PCNX4: variants seen among roughly 807,000 people sequenced by gnomAD.
PCNX4 encodes the protein pecanex-like protein 4.
In PCNX4, 103 loss-of-function variants were observed where a neutral mutation model predicts 107.2. The observed-to-expected ratio is 0.96, with a 90% CI of 0.82 to 1.13. PCNX4 has a LOEUF of 1.13. Among genes scored for constraint, PCNX4 ranks in the 50% most tolerant of loss-of-function variants. The pLI is 0.00. For missense variants in PCNX4, 1,528 were observed against 1,379.4 expected (o/e 1.11, Z -1.71); for synonymous variants, 541 against 481.7 (o/e 1.12, Z -1.61).
intron 7 of PCNX4, among the ~76,000 whole-genome samples, chr14:60,119,890 T>A (rs1005777629): frequency 6.6e-6 from 1 of 152,212 alleles, no homozygotes; most frequent in African/African-American, 2.4e-5. Context: ...ACAAGAACTT[T>A]CAGACCTTTC....
intron 8 of PCNX4, among the ~76,000 whole-genome samples, chr14:60,122,830 G>T (rs1380250757): frequency 6.6e-6 from 1 of 152,062 alleles, no homozygotes; most frequent in Non-Finnish European, 1.5e-5. Flanking sequence ...AATAGTAAGT[G>T]AATTTTTTGT....
chr14:60,112,401 A>C (rs549175326), intron 2 of PCNX4, among the ~76,000 whole-genome samples: 1 of 152,308 alleles, frequency 6.6e-6, no homozygotes, highest in African/African-American at 2.4e-5. Context: ...ACATTATCAT[A>C]AGTATTAGAA....
At chr14:60,119,059 G>A (rs372765020) in intron 7 of PCNX4, among the ~76,000 whole-genome samples, 5 of 152,116 alleles carry the variant, frequency 3.3e-5, no homozygotes, top group Non-Finnish European at 4.4e-5. Context: ...AGTAGCATAC[G>A]TTCATAAAGT....
intron 2 of PCNX4, among the ~76,000 whole-genome samples, chr14:60,113,271 C>T (rs1396027997): frequency 6.6e-6 from 1 of 152,138 alleles, no homozygotes; most frequent in Non-Finnish European, 1.5e-5. Context: ...CATAAAATGG[C>T]GTTACTATAT....
chr14:60,121,794 A>T (rs954740667), intron 8 of PCNX4, among the ~76,000 whole-genome samples: 3 of 152,118 alleles, frequency 2.0e-5, no homozygotes, highest in Non-Finnish European at 4.4e-5. Flanking sequence ...TACTCCACCC[A>T]GCCTGCTCTT....
At chr14:60,117,144 A>AGT (rs1284092400) in intron 6 of PCNX4, among the ~76,000 whole-genome samples, 2 of 152,218 alleles carry the variant, frequency 1.3e-5, no homozygotes, top group South Asian at 2.1e-4. Context: ...GTAACCTAAG[A>AGT]GTACAGTGTT....
chr14:60,096,218 C>G (rs1895421928), intron 1 of PCNX4, among the ~76,000 whole-genome samples: 1 of 152,156 alleles, frequency 6.6e-6, no homozygotes, highest in Admixed American at 6.5e-5. Flanking sequence ...CACAACATTC[C>G]ATTTTTATGA....
rs1225465515 is a variant in PCNX4, at chr14:60,124,718, A to G, written c.2547A>G (p.Thr849=). 5 of 1,613,166 alleles carry G rather than the reference A, an allele frequency of 3.1e-6. No homozygotes were observed. Among genetic ancestry groups the G allele is most frequent in the Non-Finnish European group, 3.4e-6 (4 of 1,179,772 alleles). Residue 849 remains threonine (T), a synonymous_variant, in exon 9 of 11, where the codon ACA becomes ACG. Transcript: ENST00000406854. The part of the protein sequence containing the change: ...EKHQLKDLPG[T]NLFIPGSVES... ...ATCAGTTGAAAGATTTGCCAGGTAC[A>G]AATTTGTTTATTCCAGGATCAGTAG...
chr14:60,115,336 T>C lies in PCNX4; in HGVS notation c.1232T>C (p.Val411Ala), dbSNP rs375951788. 3.7e-6 allele frequency: 6 copies of C among 1,606,246 alleles called. No individual in the cohort carries two copies. In the African/African-American group the frequency reaches 6.7e-5, roughly 18 times the overall value. Reference sequence around the variant, plus strand: ...TGGATACTTAGAGAAATTCAAAGCGTATATATCATTGGAATTTTCCGAAAT... The same window carrying C: ...TGGATACTTAGAGAAATTCAAAGCGCATATATCATTGGAATTTTCCGAAAT... ...ILWILREIQS[V>A]YIIGIFRNPF... The change falls in exon 4 of 11, where the codon GTA (valine) becomes GCA (alanine). Residue 411 changes from valine to alanine, a missense_variant. By Grantham distance (64) the Val-to-Ala change is moderately conservative. Coordinates refer to ENST00000406854, the MANE Select transcript of PCNX4 (RefSeq NM_001330177.2).
rs1359910843 is a variant in PCNX4, at chr14:60,142,160, CTT to C, written c.*7940_*7941del. 15 of 152,158 alleles carry C rather than the reference CTT, an allele frequency of 9.9e-5. No homozygotes were observed. Among genetic ancestry groups the C allele is most frequent in the Admixed American group, 9.2e-4 (14 of 15,280 alleles). The allele number at this position is 152,158 out of a possible 1,614,324, so 9.4% of individuals were successfully genotyped here. ...TGGGGCTGATATATGTGTTTACTCT[CTT>C]GATTGTGGTTATGGTTCACAAGTGT... On this transcript the variant is annotated 3_prime_UTR_variant, in exon 11 of 11. Coordinates refer to ENST00000406854, the MANE Select transcript of PCNX4 (RefSeq NM_001330177.2). This position sits in a 1 kb window ranked among gnomAD's most constrained non-coding sequence, Gnocchi z 4.7.
At chr14:60,123,086 G>A (rs1895984870) in intron 8 of PCNX4, among the ~76,000 whole-genome samples, 1 of 152,084 alleles carries the variant, frequency 6.6e-6, no homozygotes, top group African/African-American at 2.4e-5. Flanking sequence ...CTCTGCTCTA[G>A]TCTAACCCAT....
rs917896223 is a variant in PCNX4 at position 60,144,750 on chromosome 14, A to G, written c.*10529A>G. The G allele has an allele frequency of 2.8e-5, 14 of 501,290 alleles. No homozygotes were observed. The highest frequency in any genetic ancestry group is 4.8e-5 in the Non-Finnish European group (14 of 288,860). The allele number at this position is 501,290 out of a possible 1,614,324, so 31.1% of individuals were successfully genotyped here. On this transcript the variant is annotated 3_prime_UTR_variant, in exon 11 of 11. Coordinates refer to ENST00000406854, the MANE Select transcript of PCNX4 (RefSeq NM_001330177.2). The stretch of plus-strand genomic sequence containing the variant: ...CTAAAGTATTTTAAAAGGTTATTTT[A>G]TCCAAGAATATAGTATGAGTTAATA...
Position 60,115,429 on chromosome 14 carries a change from T to C in PCNX4, c.1325T>C (p.Ile442Thr). 1 of 1,546,326 alleles carries C rather than the reference T, an allele frequency of 6.5e-7. No individual in the cohort carries two copies. Among genetic ancestry groups the C allele is most frequent in the Non-Finnish European group, 8.7e-7 (1 of 1,149,944 alleles). The change falls in exon 4 of 11, where the codon ATT becomes ACT. Residue 442 changes from isoleucine to threonine, a missense_variant. Coordinates refer to ENST00000406854, the MANE Select transcript of PCNX4 (RefSeq NM_001330177.2). ...GAGAAGCAAACTAGGCTCATGAAGA[T>C]TGGTATTGTCAGACGGATTTTGCTA... ...FFEKQTRLMK[I>T]GIVRRILLTL...
In PCNX4 at chr14:60,114,990, A is replaced by G; in HGVS notation, c.886A>G (p.Ile296Val). The change falls in exon 4 of 11, where the codon ATC becomes GTC. Residue 296 changes from isoleucine to valine, a missense_variant. Coordinates refer to ENST00000406854, the MANE Select transcript of PCNX4 (RefSeq NM_001330177.2). ...STHLRLLVMF[I>V]MSAGTAIASY... Reference sequence around the variant, plus strand: ...TCTGTACAGGTTATTAGTAATGTTCATCATGTCTGCTGGAACAGCTATAGC... The same window carrying G: ...TCTGTACAGGTTATTAGTAATGTTCGTCATGTCTGCTGGAACAGCTATAGC... The G allele has an allele frequency of 6.2e-7, 1 of 1,601,506 alleles. No individual in the cohort carries two copies. Among genetic ancestry groups the G allele is most frequent in the Non-Finnish European group, 8.5e-7 (1 of 1,172,928 alleles).
rs1315675262 is a variant in PCNX4 at position 60,118,488 on chromosome 14, A to T, written c.1738A>T (p.Ile580Leu). ...CTTTTCTCCATTCGTGTTGGTCATC[A>T]TAGTTTTTTCTACACTACTCTCTTC... ...IVFSPFVLVI[I>L]VFSTLLSSPL... The change falls in exon 7 of 11, where the codon ATA becomes TTA. Residue 580 changes from isoleucine to leucine, a missense_variant. Physicochemically the swap from Ile to Leu is conservative, Grantham distance 5. Coordinates refer to ENST00000406854, the MANE Select transcript of PCNX4 (RefSeq NM_001330177.2). 9 of 1,613,658 alleles carry T rather than the reference A, an allele frequency of 5.6e-6. No homozygotes were observed. Among genetic ancestry groups the T allele is most frequent in the Non-Finnish European group, 7.6e-6 (9 of 1,179,816 alleles).
At chr14:60,128,960 C>G (rs981860421) in intron 10 of PCNX4, among the ~76,000 whole-genome samples, 3 of 152,098 alleles carry the variant, frequency 2.0e-5, no homozygotes, top group African/African-American at 7.2e-5. Context: ...CACCTGTAAT[C>G]CCAGCACTTT....
chr14:60,115,357 G>A lies in PCNX4; in HGVS notation c.1253G>A (p.Arg418Gln), dbSNP rs140058457. 2.8e-4 allele frequency: 452 copies of A among 1,604,368 alleles called. No homozygotes were observed. Among genetic ancestry groups the A allele is most frequent in the Middle Eastern group, 1.2e-3 (7 of 6,018 alleles). ...IQSVYIIGIFRNPFYPKDVQT... is the reference protein window; with the variant it reads ...IQSVYIIGIFQNPFYPKDVQT... ...AGCGTATATATCATTGGAATTTTCC[G>A]AAATCCCTTTTATCCGAAGGATGTG... Residue 418 changes from arginine (R) to glutamine (Q), a missense_variant, in exon 4 of 11, where the codon CGA (arginine) becomes CAA (glutamine). Coordinates refer to ENST00000406854, the MANE Select transcript of PCNX4 (RefSeq NM_001330177.2).
chr14:60,124,892 T>C lies in PCNX4; in HGVS notation c.2721T>C (p.Ser907=). The C allele has an allele frequency of 1.2e-6, 2 of 1,613,840 alleles. No individual in the cohort carries two copies. The highest frequency in any genetic ancestry group is 2.2e-5 in the South Asian group (2 of 91,088). The change falls in exon 9 of 11, where the codon TCT becomes TCC. Residue 907 remains serine (S), a synonymous_variant. Coordinates refer to ENST00000406854, the MANE Select transcript of PCNX4 (RefSeq NM_001330177.2). ...IPLMEFSCSH[S]HLVCLPAEWR... Reference sequence around the variant, plus strand: ...TCATGGAGTTCAGTTGTTCACATTCTCACTTAGTATGCTTACCCGCAGAGT... The same window carrying C: ...TCATGGAGTTCAGTTGTTCACATTCCCACTTAGTATGCTTACCCGCAGAGT...
At chr14:60,111,490 A>C (rs1895740078) in intron 2 of PCNX4, among the ~76,000 whole-genome samples, 1 of 152,218 alleles carries the variant, frequency 6.6e-6, no homozygotes, top group Admixed American at 6.5e-5. Flanking sequence ...AATTGAGTTT[A>C]AATGTGTGTA....
Sources: allele counts gnomAD v4.1 joint callset (sites outside exome capture counted in the v4.1 genomes callset), GRCh38; gene constraint gnomAD v4.1.1; non-coding constraint Gnocchi (gnomAD v3.1); transcripts MANE v1.5; gene names NCBI Gene and HGNC (gene_info 2026-07-23, HGNC 2026-07-21).